Variants in GNE observed in about 807,000 individuals in gnomAD.
GNE encodes the protein glucosamine (UDP-N-acetyl)-2-epimerase/N-acetylmannosamine kinase, also known as bifunctional UDP-N-acetylglucosamine 2-epimerase/N-acetylmannosamine kinase.
In GNE, 41 loss-of-function variants were observed where a neutral mutation model predicts 61.8. That is an observed-to-expected ratio of 0.66 (90% CI 0.52 to 0.86). The LOEUF (loss-of-function observed/expected upper bound fraction) is 0.86, where lower values mean the gene tolerates loss of function less well. Ranked by LOEUF, GNE falls within the 40% of genes least tolerant of loss-of-function variation. The pLI, the probability that GNE is intolerant of heterozygous loss-of-function variation, is 0.00. For missense variants in GNE, 608 were observed against 909.1 expected, an observed-to-expected ratio of 0.67 and a Z score of 4.26; for synonymous variants, 264 against 326.4, an observed-to-expected ratio of 0.81 and a Z score of 2.06.
chr9:36,221,185 G>A (rs2133012032), intron 9 of GNE, among the ~76,000 whole-genome samples: 1 of 152,298 alleles, frequency 6.6e-6, no homozygotes, highest in Middle Eastern at 3.4e-3. Context: ...GCCGGGTGTG[G>A]TGGCACATTC....
chr9:36,229,969 C>CA lies in GNE; in HGVS notation c.983-862dup, dbSNP rs1184573928. On this transcript the variant is annotated intron_variant, in intron 5 of 11. Coordinates refer to ENST00000642385, the MANE Select transcript of GNE (RefSeq NM_005476.7). The stretch of plus-strand genomic sequence containing the variant: ...TCCTTTCACTTTTTTTTTTTTGAGA[C>CA]AAAGTCTTGCTCTGTTGCCCAGGCT... 3.3e-5 allele frequency among the ~76,000 whole-genome samples: 5 copies of CA among 151,266 alleles called. No homozygotes were observed. In the East Asian group the frequency reaches 9.7e-4, roughly 29 times the overall value.
chr9:36,217,392 C>T lies in GNE; in HGVS notation c.2142G>A (p.Leu714=). Residue 714 remains leucine, a synonymous_variant, in exon 12 of 12, where the codon CTG becomes CTA. Coordinates refer to ENST00000642385, the MANE Select transcript of GNE (RefSeq NM_005476.7). ...PALLGAASMV[L]DYTTRRIY is the part of the protein sequence containing the mutation. ...AGTAGATCCTGCGTGTTGTGTAGTC[C>T]AGAACCATGCTGGCAGCACCCAGCA... 1 of 1,613,788 alleles carries T rather than the reference C, an allele frequency of 6.2e-7. No homozygotes were observed. The highest frequency in any genetic ancestry group is 1.1e-5 in the South Asian group (1 of 91,054).
intron 2 of GNE, among the ~76,000 whole-genome samples, chr9:36,247,119 C>T (rs1409180647): frequency 1.3e-5 from 2 of 151,652 alleles, no homozygotes; most frequent in African/African-American, 2.4e-5. Flanking sequence ...TGCAGTGGTG[C>T]GATCTTGACT....
rs1280364953 is a variant in GNE, at chr9:36,234,224, C to T, written c.770-92G>A. ...GTATAGCCCACGTAAAGAAATCTCC[C>T]TAAAAAAACCTCACATCAGTTATTA... On this transcript the variant is annotated intron_variant, in intron 4 of 11. Coordinates refer to ENST00000642385, the MANE Select transcript of GNE (RefSeq NM_005476.7). 109 of 966,904 alleles carry T rather than the reference C, an allele frequency of 1.1e-4. No individual in the cohort carries two copies. In the East Asian group the frequency reaches 2.5e-3, roughly 22 times the overall value. The allele number at this position is 966,904 out of a possible 1,614,324, so 59.9% of individuals were successfully genotyped here. A position where few individuals can be genotyped will look rare whatever the true frequency, so the allele number is the denominator to read the frequency against.
intron 3 of GNE, among the ~76,000 whole-genome samples, chr9:36,238,249 G>A (rs1201550448): frequency 6.6e-6 from 1 of 152,166 alleles, no homozygotes; most frequent in Admixed American, 6.6e-5. Context: ...AAACATGCGT[G>A]TGCAAGTATC....
At chr9:36,236,761 G>T in intron 4 of GNE, 71 bp downstream of exon 4, 2 of 1,325,012 alleles carry the variant, frequency 1.5e-6, no homozygotes, top group Non-Finnish European at 2.2e-6. Flanking sequence ...TAGGAAGGCA[G>T]TTAAAAGAAG....
intron 3 of GNE, among the ~76,000 whole-genome samples, chr9:36,243,542 A>G (rs978922349): frequency 2.6e-5 from 4 of 152,150 alleles, no homozygotes; most frequent in African/African-American, 7.2e-5. Context: ...CTGTCCAAGC[A>G]TAAGAAATAT....
Position 36,236,988 on chromosome 9 carries a change from T to A in GNE, c.617-4A>T. On this transcript the variant is annotated splice_region_variant and splice_polypyrimidine_tract_variant and intron_variant, in intron 3 of 11. Coordinates refer to ENST00000642385, the MANE Select transcript of GNE (RefSeq NM_005476.7). ...TCTTTAGATTTTACATCATCACCTG[T>A]TTAAAGAAAATCAAACCACATTGCT... 6.2e-7 allele frequency: 1 copy of A among 1,608,230 alleles called. No homozygotes were observed. The highest frequency in any genetic ancestry group is 8.5e-7 in the Non-Finnish European group (1 of 1,175,042).
chr9:36,265,222 A>T (rs535021428), intron 1 of GNE: 3 of 361,184 alleles, frequency 8.3e-6, no homozygotes, highest in Non-Finnish European at 1.7e-5. Context: ...GTTCTCTTCC[A>T]TGACCCACGT....
In GNE at chr9:36,216,326, G is replaced by GGTGTGTGTGTGTGTGT. The variant is rs1563923938; in HGVS notation, c.*1038_*1039insACACACACACACACAC. The stretch of plus-strand genomic sequence containing the variant: ...CTTAGTTTGGGGTTAGAGGAGGAAG[G>GGTGTGTGTGTGTGTGT]ATGTGTGTGTGTGTGTGTGTGTGTG... On this transcript the variant is annotated 3_prime_UTR_variant, in exon 12 of 12. Transcript: ENST00000642385. 3 of 196,388 alleles carry GGTGTGTGTGTGTGTGT rather than the reference G, an allele frequency of 1.5e-5. No homozygotes were observed. The highest frequency in any genetic ancestry group is 3.1e-5 in the Non-Finnish European group (3 of 96,438). 12.2% of individuals were successfully genotyped at this position (196,388 alleles called of 1,614,324 possible).
chr9:36,276,975 G>A (rs1202143093), exon 1 of GNE: 1 of 1,613,172 alleles, frequency 6.2e-7, no homozygotes. Flanking sequence ...CCCTAGTGTG[G>A]TTTGAAATAA....
upstream of GNE, among the ~76,000 whole-genome samples, chr9:36,262,787 G>GGAAC (rs1830652539): frequency 6.6e-6 from 1 of 152,008 alleles, no homozygotes; most frequent in Admixed American, 6.6e-5. Flanking sequence ...GGCCACTTTG[G>GGAAC]GAACATTTCT....
chr9:36,243,870 A>G (rs1000393245), intron 3 of GNE, among the ~76,000 whole-genome samples: 3 of 152,158 alleles, frequency 2.0e-5, no homozygotes, highest in Non-Finnish European at 4.4e-5. Flanking sequence ...TTCCTGATGT[A>G]ATGTAATCTA....
chr9:36,236,857 T>C lies in GNE; in HGVS notation c.744A>G (p.Leu248=). ...DALISFNKRT[L]VLFPNIDAGS... The stretch of plus-strand genomic sequence containing the variant: ...CTGCGTCAATATTTGGAAACAGGAC[T>C]AGGGTCCGCTTGTTAAATGAGATAA... The change falls in exon 4 of 12, where the codon CTA becomes CTG. Residue 248 remains leucine, a synonymous_variant. Transcript: ENST00000642385. 1 of 1,613,812 alleles carries C rather than the reference T, an allele frequency of 6.2e-7. No individual in the cohort carries two copies.
At chr9:36,264,888 C>T (rs1190735934) in intron 1 of GNE, 3 of 156,864 alleles carry the variant, frequency 1.9e-5, no homozygotes, top group Admixed American at 6.2e-5. Context: ...CGGCTACCCT[C>T]TTTGGCTCCC....
At chr9:36,272,894 T>G (rs1276408105) in intron 1 of GNE, among the ~76,000 whole-genome samples, 6 of 106,144 alleles carry the variant, frequency 5.7e-5, no homozygotes, top group African/African-American at 7.5e-5. Flanking sequence ...AACGTGGTGG[T>G]GAAACCTCAT....
chr9:36,276,476 G>A (rs947303394), intron 1 of GNE, among the ~76,000 whole-genome samples: 4 of 152,032 alleles, frequency 2.6e-5, no homozygotes, highest in African/African-American at 9.7e-5. Flanking sequence ...AATAACTGAG[G>A]GAAAAGAAGT....
At chr9:36,265,528 C>T in intron 1 of GNE, 1 of 454,286 alleles carries the variant, frequency 2.2e-6, no homozygotes, top group South Asian at 1.6e-5. Context: ...AATTCATCAC[C>T]ATATTAAGCT....
intron 7 of GNE, among the ~76,000 whole-genome samples, chr9:36,226,083 G>C (rs1828850660): frequency 6.6e-6 from 1 of 152,050 alleles, no homozygotes; most frequent in African/African-American, 2.4e-5. Context: ...GATTTCAATG[G>C]GAATGCCTCT....
Sources: gnomAD v4.1 joint callset for allele counts (sites outside exome capture counted in the v4.1 genomes callset) on GRCh38, gnomAD v4.1.1 for gene constraint, MANE v1.5 for transcripts, NCBI Gene and HGNC (gene_info 2026-07-23, HGNC 2026-07-21) for gene names.